Variants in NKTR observed in about 807,000 individuals in gnomAD.
The protein encoded by NKTR is NK-tumor recognition protein.
In NKTR, 67 loss-of-function variants were observed where a neutral mutation model predicts 156.3. The observed-to-expected ratio is 0.43, with a 90% confidence interval of 0.35 to 0.53. The LOEUF (loss-of-function observed/expected upper bound fraction) is 0.53, where lower values mean the gene tolerates loss of function less well. Among genes scored for constraint, NKTR ranks in the 20% least tolerant of loss-of-function variants. The pLI, the probability that NKTR is intolerant of heterozygous loss-of-function variation, is 0.01. For missense variants in NKTR, 1,604 were observed against 1,730.9 expected (o/e 0.93, Z 1.30); for synonymous variants, 640 against 596.6 (o/e 1.07, Z -1.06).
At chr3:42,605,158 G>T (rs1271927276) in intron 2 of NKTR, among the ~76,000 whole-genome samples, 1 of 152,070 alleles carries the variant, frequency 6.6e-6, no homozygotes, top group Non-Finnish European at 1.5e-5. Context: ...CTTTGCCTCA[G>T]ATATGAATAT....
In NKTR at chr3:42,639,748, T is replaced by C. The variant is rs142685140; in HGVS notation, c.4044T>C (p.Tyr1348=). 198 of 1,594,662 alleles carry C rather than the reference T, an allele frequency of 1.2e-4. No individual in the cohort carries two copies. The African/African-American group carries it at 2.0e-3, about 16-fold the overall frequency. The change falls in exon 13 of 17, where the codon TAT becomes TAC. Residue 1348 remains tyrosine (Y), a splice_region_variant and synonymous_variant. Coordinates refer to ENST00000232978, the MANE Select transcript of NKTR (RefSeq NM_005385.4). The part of the protein sequence containing the change: ...RSRSRSSTSS[Y]RSRSYSRSRS... ...GATCGAGAAGTTCCACATCATCTTA[T>C]CGGTGAGCAATATTCTCTTTCCTTT...
At chr3:42,619,363 T>G in intron 4 of NKTR, 1 of 1,188,010 alleles carries the variant, frequency 8.4e-7, no homozygotes, top group Non-Finnish European at 1.1e-6. Context: ...AGTTACTTAG[T>G]GAATTCCTTT....
Position 42,632,808 on chromosome 3 carries a change from C to T in NKTR, c.758C>T (p.Ala253Val), listed in dbSNP as rs968876590. Reference sequence around the variant, plus strand: ...TCAGAAGAGCCAAGGAATAAACATGCAATGAACCCAAAAGGGTACGTGTAA... The same window carrying T: ...TCAGAAGAGCCAAGGAATAAACATGTAATGAACCCAAAAGGGTACGTGTAA... ...SSSEEPRNKH[A>V]MNPKGHSERS... Residue 253 changes from alanine to valine, a missense_variant, in exon 9 of 17, where the codon GCA (alanine) becomes GTA (valine). Coordinates refer to ENST00000232978, the MANE Select transcript of NKTR (RefSeq NM_005385.4). The T allele has an allele frequency of 6.3e-7, 1 of 1,594,962 alleles. No homozygotes were observed.
intron 15 of NKTR, 196 bp downstream of exon 15, chr3:42,643,591 A>G (rs1255026239): frequency 1.6e-6 from 1 of 627,174 alleles, no homozygotes; most frequent in African/African-American, 1.8e-5. Context: ...AAAAATGACA[A>G]TATCAAATTG....
Position 42,648,429 on chromosome 3 carries a change from C to T in NKTR, c.*2454C>T, listed in dbSNP as rs1205649196. The T allele has an allele frequency of 6.6e-6, 1 of 152,252 alleles. No homozygotes were observed. Among genetic ancestry groups the T allele is most frequent in the Non-Finnish European group, 1.5e-5 (1 of 68,040 alleles). 9.4% of individuals were successfully genotyped at this position (152,252 alleles called of 1,614,324 possible). A position where few individuals can be genotyped will look rare whatever the true frequency, so the allele number is the denominator to read the frequency against. ...AAGGACAGCCCTCTGCTGCAGCGTT[C>T]AACTTGTGTGTTTACTGACAGAGTG... On this transcript the variant is annotated 3_prime_UTR_variant, in exon 17 of 17. Coordinates refer to ENST00000232978, the MANE Select transcript of NKTR (RefSeq NM_005385.4).
intron 7 of NKTR, chr3:42,630,838 A>G (rs1039473259): frequency 1.5e-6 from 2 of 1,331,424 alleles, no homozygotes; most frequent in African/African-American, 1.5e-5. Context: ...CAGTTTTCCA[A>G]AATGGGTCGG....
chr3:42,627,222 C>G, intron 6 of NKTR: 1 of 985,296 alleles, frequency 1.0e-6, no homozygotes. Context: ...ACCGTGCGCT[C>G]CAAAGGTAAT....
At chr3:42,619,493 C>T in intron 4 of NKTR, 171 bp from the exon 5 acceptor site, 1 of 1,435,616 alleles carries the variant, frequency 7.0e-7, no homozygotes, top group Non-Finnish European at 9.1e-7. Flanking sequence ...TGTAATGGGA[C>T]TTGACATATA....
rs1226707863 is a variant in NKTR at position 42,628,504 on chromosome 3, ATCAGCCAAGATGGCAAAT to A, written c.375-2040_375-2023del. On this transcript the variant is annotated intron_variant, in intron 6 of 16. Transcript: ENST00000232978. Reference sequence around the variant, plus strand: ...ATAAAGTGGTTTTTACAGCCTTTCTATCAGCCAAGATGGCAAATTGAATTGGGCTCTTTATGTTTTAAG... The same window carrying A: ...ATAAAGTGGTTTTTACAGCCTTTCTATGAATTGGGCTCTTTATGTTTTAAG... 16 of 985,436 alleles carry A rather than the reference ATCAGCCAAGATGGCAAAT, an allele frequency of 1.6e-5. No individual in the cohort carries two copies. In the Admixed American group the frequency reaches 1.8e-4, roughly 11 times the overall value. 61.0% of individuals were successfully genotyped at this position (985,436 alleles called of 1,614,324 possible). A position where few individuals can be genotyped will look rare whatever the true frequency, so the allele number is the denominator to read the frequency against.
chr3:42,633,410 G>T, intron 9 of NKTR, 170 bp from the exon 10 acceptor site: 2 of 1,368,318 alleles, frequency 1.5e-6, no homozygotes, highest in Admixed American at 3.3e-5. Context: ...CTAGTCTTTG[G>T]GTTTTTCACT....
At position 42,645,997 on chromosome 3, in the gene NKTR, A is replaced by G. The variant is rs1291251915; in HGVS notation, c.*22A>G. The G allele has an allele frequency of 2.6e-6, 4 of 1,558,704 alleles. No individual in the cohort carries two copies. The highest frequency in any genetic ancestry group is 2.7e-5 in the African/African-American group (2 of 73,960). Reference sequence around the variant, plus strand: ...TTGAAAACGTCCGGATACAAATTATATCTTATTTGTAAATATCTGGCAACT... The same window carrying G: ...TTGAAAACGTCCGGATACAAATTATGTCTTATTTGTAAATATCTGGCAACT... On this transcript the variant is annotated 3_prime_UTR_variant, in exon 17 of 17. Transcript: ENST00000232978.
intron 3 of NKTR, among the ~76,000 whole-genome samples, chr3:42,618,102 G>C (rs1487520305): frequency 6.6e-6 from 1 of 152,060 alleles, no homozygotes; most frequent in Non-Finnish European, 1.5e-5. Context: ...TGTAATCCCA[G>C]CACTTTGGGA....
rs201803926 is a variant in NKTR, at chr3:42,607,969, CTTTTTTTTTTTTTTTTTTTTTTTTTTTTT to C, written c.58+6920_58+6948del. On this transcript the variant is annotated intron_variant, in intron 2 of 16. Coordinates refer to ENST00000232978, the MANE Select transcript of NKTR (RefSeq NM_005385.4). ...TGCCAATCGCAAGTCCTGAGTCGCT[CTTTTTTTTTTTTTTTTTTTTTTTTTTTTT>C]TTTTTTTTTTTTTTGAGTTTCCTTC... Among the ~76,000 whole-genome samples, 666 of 74,992 alleles carry C rather than the reference CTTTTTTTTTTTTTTTTTTTTTTTTTTTTT, an allele frequency of 8.9e-3. 12 individuals carry two copies. The highest frequency in any genetic ancestry group is 0.027 in the African/African-American group (637 of 23,572). 49.2% of individuals were successfully genotyped at this position (74,992 alleles called of 152,430 possible).
At chr3:42,629,207 A>G (rs765585870) in intron 6 of NKTR, 1 of 984,578 alleles carries the variant, frequency 1.0e-6, no homozygotes, top group African/African-American at 1.7e-5. Flanking sequence ...AATTCACTAG[A>G]TAGTTTTTGT....
chr3:42,637,377 G>A lies in NKTR; in HGVS notation c.1673G>A (p.Gly558Glu). 3 of 1,613,942 alleles carry A rather than the reference G, an allele frequency of 1.9e-6. No homozygotes were observed. Among genetic ancestry groups the A allele is most frequent in the South Asian group, 1.1e-5 (1 of 91,058 alleles). The part of the protein sequence containing the change: ...RSKSRSSSKS[G>E]HRKRASKSPR... ...AAGTCCAGATCTAGTTCCAAGTCTG[G>A]GCACCGAAAGAGAGCATCAAAATCA... Residue 558 changes from glycine to glutamate, a missense_variant, in exon 13 of 17, where the codon GGG (glycine) becomes GAG (glutamate). Gly to Glu is a moderately conservative substitution (Grantham distance 98). Coordinates refer to ENST00000232978, the MANE Select transcript of NKTR (RefSeq NM_005385.4).
intron 2 of NKTR, among the ~76,000 whole-genome samples, chr3:42,608,485 T>C (rs558455638): frequency 1.3e-5 from 2 of 152,252 alleles, no homozygotes; most frequent in Admixed American, 1.3e-4. Context: ...GGGAGATGCA[T>C]GGGCCTTCTG....
intron 6 of NKTR, chr3:42,629,829 G>A: frequency 1.0e-6 from 1 of 985,448 alleles, no homozygotes; most frequent in Non-Finnish European, 1.2e-6. Context: ...CTGTCTGACA[G>A]TTGGTGACTG....
chr3:42,636,142 AAT>A (rs1180215990), intron 12 of NKTR, among the ~76,000 whole-genome samples: 1 of 152,162 alleles, frequency 6.6e-6, no homozygotes, highest in South Asian at 2.1e-4. Flanking sequence ...GCTAGTGAAA[AAT>A]ATACTAATGG....
At chr3:42,645,374 TA>T in intron 16 of NKTR, among the ~76,000 whole-genome samples, 1 of 152,322 alleles carries the variant, frequency 6.6e-6, no homozygotes, top group East Asian at 1.9e-4. Context: ...ACTTGTCATT[TA>T]AAACAGCTTC....
Sources: allele counts gnomAD v4.1 joint callset (sites outside exome capture counted in the v4.1 genomes callset), GRCh38; gene constraint gnomAD v4.1.1; transcripts MANE v1.5; gene names NCBI Gene and HGNC (gene_info 2026-07-23, HGNC 2026-07-21).